Variants in FREM1 observed in about 807,000 individuals in gnomAD.
FREM1 encodes FRAS1 related extracellular matrix 1.
Under a neutral mutation model 210.1 loss-of-function variants are expected in FREM1, and 220 were observed. The ratio of observed to expected loss-of-function variants is 1.05; its 90% CI spans 0.94 to 1.17. The LOEUF (loss-of-function observed/expected upper bound fraction) is 1.17. FREM1 is among the 50% of genes most tolerant of loss of function. The probability of loss-of-function intolerance (pLI) is 0.00; values close to 1 mark genes in which losing one functional copy is unlikely to be tolerated. For synonymous variants in FREM1, 1,189 were observed against 980.2 expected (o/e 1.21, Z -3.98); for missense variants, 3,454 against 2,675.5 (o/e 1.29, Z -6.42).
intron 1 of FREM1, among the ~76,000 whole-genome samples, chr9:14,878,434 G>A (rs1215654734): frequency 1.3e-5 from 2 of 151,804 alleles, no homozygotes; most frequent in African/African-American, 4.8e-5. Context: ...CCCATCAAAT[G>A]TCACACTTGC....
chr9:14,908,714 A>C (rs1163856550), intron 1 of FREM1, among the ~76,000 whole-genome samples: 4 of 152,194 alleles, frequency 2.6e-5, no homozygotes, highest in Admixed American at 6.5e-5. Context: ...CATGACAAGA[A>C]TTTCATGTCA....
At chr9:14,810,226 A>G (rs1314340472) in intron 16 of FREM1, among the ~76,000 whole-genome samples, 1 of 152,190 alleles carries the variant, frequency 6.6e-6, no homozygotes, top group African/African-American at 2.4e-5. Context: ...AAGTCACTCT[A>G]GAAAGAGAAG....
chr9:14,831,572 A>C (rs768206420), intron 10 of FREM1, among the ~76,000 whole-genome samples: 22 of 152,162 alleles, frequency 1.4e-4, no homozygotes, highest in Non-Finnish European at 2.8e-4. Context: ...GACAGTACTT[A>C]ATTAGGAAGG....
chr9:14,904,114 C>CAAAAAAAAAAAAAAAAA (rs35708320), intron 1 of FREM1, among the ~76,000 whole-genome samples: 1 of 71,670 alleles, frequency 1.4e-5, no homozygotes, highest in African/African-American at 5.8e-5. Context: ...GACTCCGTCT[C>CAAAAAAAAAAAAAAAAA]AAAAAAAAAA....
At chr9:14,878,080 C>G (rs1834105461) in intron 1 of FREM1, among the ~76,000 whole-genome samples, 1 of 152,164 alleles carries the variant, frequency 6.6e-6, no homozygotes, top group South Asian at 2.1e-4. Flanking sequence ...CTAGGCATTT[C>G]TCGGCATCAC....
rs75957172 is a variant in FREM1 at position 14,766,680 on chromosome 9, G to A, written c.5204+3044C>T. 2.9e-3 allele frequency among the ~76,000 whole-genome samples: 437 copies of A among 152,214 alleles called. 1 individual carries two copies. The highest frequency in any genetic ancestry group is 9.8e-3 in the African/African-American group (407 of 41,546). ...TTTCCACTGAACATGGGTCCTTCCCGTGCTCTAAAACAGGTCCATTTCTGT... is the reference window on the plus strand; with the variant it reads ...TTTCCACTGAACATGGGTCCTTCCCATGCTCTAAAACAGGTCCATTTCTGT... On this transcript the variant is annotated intron_variant, in intron 27 of 36. Coordinates refer to ENST00000380880, the MANE Select transcript of FREM1 (RefSeq NM_001379081.2).
chr9:14,909,295 C>T (rs1433412125), intron 1 of FREM1, among the ~76,000 whole-genome samples: 1 of 152,158 alleles, frequency 6.6e-6, no homozygotes, highest in Non-Finnish European at 1.5e-5. Flanking sequence ...AAAAGAAACT[C>T]TTTACAACAG....
At position 14,808,087 on chromosome 9, in the gene FREM1, C is replaced by A. The variant is rs771472147; in HGVS notation, c.2941G>T (p.Val981Phe). 6.2e-7 allele frequency: 1 copy of A among 1,613,312 alleles called. No homozygotes were observed. Among genetic ancestry groups the A allele is most frequent in the South Asian group, 1.1e-5 (1 of 90,894 alleles). The change falls in exon 17 of 37, where the codon GTT becomes TTT. Residue 981 changes from valine to phenylalanine, a missense_variant. Physicochemically the swap from Val to Phe is conservative, Grantham distance 50. Transcript: ENST00000380880. ...AAAGGGCCAGCCTCTCCATCCGAAA[C>A]CACCAATGTAATGGTGTCAAAACAA... The part of the protein sequence containing the change: ...MPCFDTITLV[V>F]SDGEAGPFVN...
At position 14,868,427 on chromosome 9, in the gene FREM1, T is replaced by C. The variant is rs143596015; in HGVS notation, c.234+317A>G. On this transcript the variant is annotated intron_variant, in intron 2 of 36. Transcript: ENST00000380880. ...AACAGTGCATTATTAAGAAAAAAATTACATGCATCCATATTAGTTTGAACC... is the reference window on the plus strand; with the variant it reads ...AACAGTGCATTATTAAGAAAAAAATCACATGCATCCATATTAGTTTGAACC... 7.8e-3 allele frequency among the ~76,000 whole-genome samples: 1,182 copies of C among 152,296 alleles called. 23 individuals carry two copies. The highest frequency in any genetic ancestry group is 0.027 in the African/African-American group (1,112 of 41,572).
chr9:14,786,275 T>C (rs1366519901), intron 23 of FREM1, among the ~76,000 whole-genome samples: 1 of 152,200 alleles, frequency 6.6e-6, no homozygotes, highest in Non-Finnish European at 1.5e-5. Flanking sequence ...CACAAGCTCT[T>C]AAACACTGCA....
intron 4 of FREM1, among the ~76,000 whole-genome samples, chr9:14,858,550 T>C (rs1000970139): frequency 6.7e-6 from 1 of 149,646 alleles, no homozygotes; most frequent in South Asian, 2.1e-4. Context: ...ACGTACAAAA[T>C]AGAACAAATG....
chr9:14,888,550 T>C (rs1365099582), intron 1 of FREM1, among the ~76,000 whole-genome samples: 1 of 152,222 alleles, frequency 6.6e-6, no homozygotes, highest in African/African-American at 2.4e-5. Flanking sequence ...TTAAGAGAGA[T>C]ACCCTGTCTA....
intron 3 of FREM1, 140 bp downstream of exon 3, chr9:14,863,669 G>A: frequency 1.7e-6 from 1 of 595,914 alleles, no homozygotes; most frequent in Non-Finnish European, 3.0e-6. Flanking sequence ...ATCCACTCAG[G>A]CCTCCAGTTT....
intron 35 of FREM1, among the ~76,000 whole-genome samples, chr9:14,744,850 C>A (rs553864338): frequency 6.6e-6 from 1 of 152,232 alleles, no homozygotes; most frequent in South Asian, 2.1e-4. Context: ...TACCATTTTA[C>A]ACTTCTACCA....
At chr9:14,781,082 C>G (rs575508264) in intron 24 of FREM1, among the ~76,000 whole-genome samples, 1 of 152,152 alleles carries the variant, frequency 6.6e-6, no homozygotes, top group South Asian at 2.1e-4. Flanking sequence ...TGGAAAGAAC[C>G]TTCTACTGGA....
chr9:14,781,324 G>A (rs1462513829), intron 24 of FREM1, among the ~76,000 whole-genome samples: 1 of 151,994 alleles, frequency 6.6e-6, no homozygotes, highest in Non-Finnish European at 1.5e-5. Flanking sequence ...TGTAAATAAG[G>A]GATTGCACCA....
At chr9:14,847,628 C>A (rs142681376) in intron 7 of FREM1, among the ~76,000 whole-genome samples, 32 of 152,174 alleles carry the variant, frequency 2.1e-4, no homozygotes, top group Non-Finnish European at 3.7e-4. Context: ...TATATCTTCA[C>A]GGCGAAATAA....
chr9:14,774,493 G>C (rs1382150144), intron 25 of FREM1, among the ~76,000 whole-genome samples: 1 of 149,584 alleles, frequency 6.7e-6, no homozygotes, highest in Non-Finnish European at 1.5e-5. Context: ...GAGCCAATGA[G>C]CCAATTTCCT....
intron 19 of FREM1, among the ~76,000 whole-genome samples, chr9:14,802,465 T>C (rs1055252446): frequency 1.2e-4 from 18 of 152,308 alleles, no homozygotes; most frequent in African/African-American, 3.9e-4. Flanking sequence ...TCATAATGGG[T>C]CCCTCATCTC....
Sources: gnomAD v4.1 joint callset for allele counts (sites outside exome capture counted in the v4.1 genomes callset) on GRCh38, gnomAD v4.1.1 for gene constraint, MANE v1.5 for transcripts, NCBI Gene and HGNC (gene_info 2026-07-23, HGNC 2026-07-21) for gene names.